Variants in NAALADL2 observed in about 807,000 individuals in gnomAD.
NAALADL2 encodes inactive N-acetylated-alpha-linked acidic dipeptidase-like protein 2.
A neutral mutation model predicts 87.2 loss-of-function variants in NAALADL2; 76 were observed. That is an observed-to-expected ratio of 0.87 (90% CI 0.72 to 1.05). The LOEUF is 1.05. Ranked by LOEUF, NAALADL2 falls within the 50% of genes least tolerant of loss-of-function variation. NAALADL2 has a pLI of 0.00. For synonymous variants in NAALADL2, 354 were observed against 331.0 expected (o/e 1.07, Z -0.75); for missense variants, 1,089 against 945.8 (o/e 1.15, Z -1.99).
chr3:175,464,484 G>A (rs995403108), intron 7 of NAALADL2, among the ~76,000 whole-genome samples: 4 of 151,818 alleles, frequency 2.6e-5, no homozygotes, highest in African/African-American at 4.8e-5. Flanking sequence ...GAGATTAATA[G>A]CAATACTTCC....
chr3:175,099,813 A>G (rs1721812696), intron 2 of NAALADL2, among the ~76,000 whole-genome samples: 1 of 152,176 alleles, frequency 6.6e-6, no homozygotes, highest in South Asian at 2.1e-4. Flanking sequence ...ACTCTATAAG[A>G]GAATGGACTA....
intron 1 of NAALADL2, among the ~76,000 whole-genome samples, chr3:174,894,287 A>G (rs1731221572): frequency 6.6e-6 from 1 of 152,106 alleles, no homozygotes; most frequent in South Asian, 2.1e-4. Flanking sequence ...GGCACTGGAC[A>G]GATCTTCCAG....
intron 2 of NAALADL2, among the ~76,000 whole-genome samples, chr3:174,660,563 T>C (rs1725409501): frequency 2.0e-5 from 3 of 152,162 alleles, no homozygotes; most frequent in East Asian, 3.8e-4. Flanking sequence ...ATAATAACAA[T>C]ATGCTGCATC....
At chr3:175,762,002 A>G (rs1047095697) in intron 13 of NAALADL2, among the ~76,000 whole-genome samples, 1 of 152,140 alleles carries the variant, frequency 6.6e-6, no homozygotes, top group Non-Finnish European at 1.5e-5. Flanking sequence ...AATTTTAATG[A>G]AATTTGAAAA....
At position 175,336,835 on chromosome 3, in the gene NAALADL2, A is replaced by G. The variant is rs936068142; in HGVS notation, c.1090+12510A>G. Among the ~76,000 whole-genome samples the G allele has an allele frequency of 1.1e-4, 16 of 152,238 alleles. 1 individual carries two copies. The highest frequency in any genetic ancestry group is 9.8e-4 in the Admixed American group (15 of 15,286). ...ACACAAATTTGAACAAACCTCTTAA[A>G]CAGCCTTCTCTAACCAGTCCCTTGG... On this transcript the variant is annotated intron_variant, in intron 5 of 13. Transcript: ENST00000454872.
chr3:174,718,001 C>T (rs993832089), intron 2 of NAALADL2, among the ~76,000 whole-genome samples: 3 of 151,880 alleles, frequency 2.0e-5, no homozygotes, highest in South Asian at 2.1e-4. Flanking sequence ...TGTTGGGAGG[C>T]GCCTGTAATC....
intron 2 of NAALADL2, among the ~76,000 whole-genome samples, chr3:174,719,536 A>G (rs760191501): frequency 1.1e-4 from 16 of 152,332 alleles, no homozygotes; most frequent in Middle Eastern, 3.4e-3. Flanking sequence ...AGTGACTAAC[A>G]AAGATTTCAC....
intron 2 of NAALADL2, among the ~76,000 whole-genome samples, chr3:175,134,021 T>C (rs1728691545): frequency 6.6e-6 from 1 of 152,144 alleles, no homozygotes; most frequent in African/African-American, 2.4e-5. Flanking sequence ...CTGTGACTAG[T>C]GGTTTTCTGG....
At chr3:175,320,533 C>T (rs1759721854) in intron 4 of NAALADL2, among the ~76,000 whole-genome samples, 1 of 152,114 alleles carries the variant, frequency 6.6e-6, no homozygotes, top group African/African-American at 2.4e-5. Context: ...TGGGGTCTGT[C>T]AGGAGGTTCA....
chr3:175,000,630 C>T (rs868032708), intron 1 of NAALADL2, among the ~76,000 whole-genome samples: 3 of 152,052 alleles, frequency 2.0e-5, no homozygotes, highest in Non-Finnish European at 2.9e-5. Context: ...GTTTTCTTCT[C>T]GTTATTTTTT....
intron 2 of NAALADL2, among the ~76,000 whole-genome samples, chr3:175,185,867 G>A (rs868589230): frequency 1.3e-5 from 2 of 151,250 alleles, no homozygotes; most frequent in African/African-American, 2.4e-5. Flanking sequence ...ATTTTTTTCT[G>A]TTCTTATCTC....
chr3:175,488,202 T>G (rs1273369532), intron 9 of NAALADL2, among the ~76,000 whole-genome samples: 1 of 152,244 alleles, frequency 6.6e-6, no homozygotes, highest in Non-Finnish European at 1.5e-5. Context: ...TCTCTTGTTA[T>G]TCTTTCAAAA....
chr3:174,625,059 T>TCTC (rs1560101452), intron 2 of NAALADL2, among the ~76,000 whole-genome samples: 1 of 23,232 alleles, frequency 4.3e-5, no homozygotes, highest in African/African-American at 3.5e-4. Flanking sequence ...CTCTCTCTCT[T>TCTC]TTTTTTTTTT....
chr3:175,328,877 G>T (rs985145032), intron 5 of NAALADL2, among the ~76,000 whole-genome samples: 3 of 152,174 alleles, frequency 2.0e-5, no homozygotes, highest in African/African-American at 7.2e-5. Flanking sequence ...TAAAAAATAT[G>T]TATCTTTAAG....
At chr3:175,357,300 T>C (rs1028965384) in intron 5 of NAALADL2, among the ~76,000 whole-genome samples, 3 of 152,142 alleles carry the variant, frequency 2.0e-5, no homozygotes, top group Non-Finnish European at 4.4e-5. Context: ...TAGGCTTGAC[T>C]CATCTTAAGT....
At chr3:175,370,251 A>G (rs1375979062) in intron 5 of NAALADL2, among the ~76,000 whole-genome samples, 3 of 152,202 alleles carry the variant, frequency 2.0e-5, no homozygotes, top group Non-Finnish European at 2.9e-5. Flanking sequence ...AGATAATGGG[A>G]AAAATCTTCC....
intron 1 of NAALADL2, among the ~76,000 whole-genome samples, chr3:174,940,211 T>C (rs1738366754): frequency 6.6e-6 from 1 of 152,200 alleles, no homozygotes; most frequent in Non-Finnish European, 1.5e-5. Context: ...TGAGAGTTTA[T>C]AACATGAAGG....
chr3:175,222,145 G>A (rs1273519729), intron 2 of NAALADL2, among the ~76,000 whole-genome samples: 1 of 152,124 alleles, frequency 6.6e-6, no homozygotes, highest in Admixed American at 6.6e-5. Context: ...GCACAGTGTA[G>A]GTAAGAGTTG....
chr3:174,722,154 C>G (rs896507029), intron 2 of NAALADL2, among the ~76,000 whole-genome samples: 11 of 152,114 alleles, frequency 7.2e-5, no homozygotes, highest in African/African-American at 2.7e-4. Flanking sequence ...ATCACTCAAT[C>G]CAATCCCATC....
Sources: gnomAD v4.1 joint callset for allele counts (sites outside exome capture counted in the v4.1 genomes callset) on GRCh38, gnomAD v4.1.1 for gene constraint, MANE v1.5 for transcripts, NCBI Gene and HGNC (gene_info 2026-07-23, HGNC 2026-07-21) for gene names.